TCF4: variants seen among roughly 807,000 people sequenced by gnomAD.
TCF4 encodes the protein SL3-3 enhancer factor 2.
TCF4 carries 3 observed loss-of-function variants against 82.1 expected under a neutral mutation model. The ratio of observed to expected loss-of-function variants is 0.04; its 90% CI spans 0.02 to 0.09. The LOEUF (loss-of-function observed/expected upper bound fraction) is 0.09. TCF4 is among the 10% of genes least tolerant of loss of function. The pLI is 1.00. For missense variants in TCF4, 518 were observed against 852.7 expected (o/e 0.61, Z 4.89); for synonymous variants, 276 against 309.6 (o/e 0.89, Z 1.14).
intron 6 of TCF4, among the ~76,000 whole-genome samples, chr18:55,374,694 G>A (rs527639441): frequency 6.6e-6 from 1 of 151,870 alleles, no homozygotes; most frequent in South Asian, 2.1e-4. Flanking sequence ...AAGTCCAGGA[G>A]TTCAAGACCA....
chr18:55,280,961 C>T (rs1317317082), intron 8 of TCF4, among the ~76,000 whole-genome samples: 2 of 151,622 alleles, frequency 1.3e-5, no homozygotes, highest in Non-Finnish European at 2.9e-5. Context: ...CTACACATGC[C>T]CCAAAGTGCC....
chr18:55,396,524 C>T (rs574987527), intron 6 of TCF4, among the ~76,000 whole-genome samples: 1 of 152,218 alleles, frequency 6.6e-6, no homozygotes, highest in African/African-American at 2.4e-5. Context: ...CCCCTCGAGT[C>T]GGCCAGTCAA....
At chr18:55,535,432 G>A (rs1415529273) in intron 3 of TCF4, among the ~76,000 whole-genome samples, 3 of 152,114 alleles carry the variant, frequency 2.0e-5, no homozygotes. Context: ...GTAATGGGAA[G>A]GAAAATGTGT....
chr18:55,480,994 C>A (rs1428613491), intron 3 of TCF4, among the ~76,000 whole-genome samples: 3 of 150,370 alleles, frequency 2.0e-5, no homozygotes, highest in African/African-American at 4.9e-5. Context: ...ATCCTAGCTA[C>A]TTGGGAGGCT....
chr18:55,451,767 G>A (rs1306062290), intron 5 of TCF4, among the ~76,000 whole-genome samples: 1 of 152,146 alleles, frequency 6.6e-6, no homozygotes, highest in Non-Finnish European at 1.5e-5. Flanking sequence ...CAGAAGTAGG[G>A]TACTGGTTAA....
chr18:55,347,700 CAAAT>C (rs1270146003), intron 8 of TCF4, among the ~76,000 whole-genome samples: 1 of 152,162 alleles, frequency 6.6e-6, no homozygotes, highest in Non-Finnish European at 1.5e-5. Flanking sequence ...AGGCGTGTCA[CAAAT>C]AATACCTGAT....
upstream of TCF4, chr18:55,589,619 T>C: frequency 2.0e-5 from 21 of 1,044,866 alleles, no homozygotes; most frequent in Non-Finnish European, 2.4e-5. Context: ...CAAACAATTC[T>C]TGTTGGTGAT....
chr18:55,301,101 A>C (rs1404091116), intron 8 of TCF4, among the ~76,000 whole-genome samples: 2 of 152,156 alleles, frequency 1.3e-5, no homozygotes, highest in Non-Finnish European at 2.9e-5. Context: ...AGATAGTGGG[A>C]AAGTGGAAAC....
rs369712872 is a variant in TCF4 at position 55,350,858 on chromosome 18, C to T, written c.499+16G>A. 7 of 1,612,828 alleles carry T rather than the reference C, an allele frequency of 4.3e-6. No individual in the cohort carries two copies. The African/African-American group carries it at 9.4e-5, about 22-fold the overall frequency. On this transcript the variant is annotated intron_variant, in intron 7 of 19. Coordinates refer to ENST00000354452, the MANE Select transcript of TCF4 (RefSeq NM_001083962.2). ...CATAATCATCCCTCAGGCATTCAAA[C>T]AAAGGAATACCTTACCCATGGCACT...
intron 3 of TCF4, among the ~76,000 whole-genome samples, chr18:55,504,525 T>C (rs1194643701): frequency 6.6e-6 from 1 of 152,240 alleles, no homozygotes; most frequent in African/African-American, 2.4e-5. Flanking sequence ...AATATGATTA[T>C]ACCATTAACA....
intron 8 of TCF4, chr18:55,284,556 T>C (rs1395500417): frequency 6.6e-6 from 1 of 152,242 alleles, no homozygotes; most frequent in Non-Finnish European, 1.5e-5. Context: ...CACATCACCA[T>C]GTGTGGTTGG....
At chr18:55,494,628 G>A (rs2096613276) in intron 3 of TCF4, among the ~76,000 whole-genome samples, 1 of 152,016 alleles carries the variant, frequency 6.6e-6, no homozygotes, top group African/African-American at 2.4e-5. Context: ...AAGGGTTTAA[G>A]GATGCAAGTC....
At chr18:55,345,230 C>CAA (rs1337180113) in intron 8 of TCF4, among the ~76,000 whole-genome samples, 1 of 150,512 alleles carries the variant, frequency 6.6e-6, no homozygotes, top group Non-Finnish European at 1.5e-5. Context: ...CATATATCAG[C>CAA]AATTCATAAA....
intron 3 of TCF4, among the ~76,000 whole-genome samples, chr18:55,546,172 CA>C (rs1568366015): frequency 6.6e-6 from 1 of 151,644 alleles, no homozygotes; most frequent in African/African-American, 2.4e-5. Context: ...CTCGTCTCCA[CA>C]AAAAAAATTT....
chr18:55,462,031 C>A (rs1447458372), intron 4 of TCF4, among the ~76,000 whole-genome samples: 1 of 152,114 alleles, frequency 6.6e-6, no homozygotes, highest in Non-Finnish European at 1.5e-5. Flanking sequence ...AAGTCTAAGT[C>A]AAATTTACTC....
intron 2 of TCF4, among the ~76,000 whole-genome samples, chr18:55,608,233 T>C (rs1409915821): frequency 6.6e-6 from 1 of 152,204 alleles, no homozygotes; most frequent in Non-Finnish European, 1.5e-5. Flanking sequence ...AGGGGTTAAG[T>C]ACTATGGCTT....
intron 3 of TCF4, among the ~76,000 whole-genome samples, chr18:55,469,968 T>C (rs531902579): frequency 3.3e-4 from 50 of 152,256 alleles, no homozygotes; most frequent in Non-Finnish European, 6.3e-4. Flanking sequence ...AAAATCAAAG[T>C]GAAGGCTGGA....
intron 3 of TCF4, among the ~76,000 whole-genome samples, chr18:55,554,339 T>G (rs2097285826): frequency 6.6e-6 from 1 of 152,058 alleles, no homozygotes; most frequent in African/African-American, 2.4e-5. Context: ...AAATTTAATT[T>G]ATTAATAAAC....
At position 55,633,113 on chromosome 18, in the gene TCF4, TCA is replaced by T. The variant is rs1176621729; in HGVS notation, c.196-1727_196-1726del. Among the ~76,000 whole-genome samples, 1 of 152,258 alleles carries T rather than the reference TCA, an allele frequency of 6.6e-6. No homozygotes were observed. Among genetic ancestry groups the T allele is most frequent in the Non-Finnish European group, 1.5e-5 (1 of 68,046 alleles). On this transcript the variant is annotated intron_variant, in intron 1 of 20. Coordinates refer to the TCF4 transcript ENST00000398339. The surrounding 1 kb of genome is among the most constrained non-coding windows in gnomAD (Gnocchi z 4.0). ...AAACAACATTAAGTATTTATTATCC[TCA>T]CAGTTTCTATGGGTTGGGTATTTGG...
Sources: gnomAD v4.1 joint callset for allele counts (sites outside exome capture counted in the v4.1 genomes callset) on GRCh38, gnomAD v4.1.1 for gene constraint, Gnocchi (gnomAD v3.1) non-coding constraint, MANE v1.5 for transcripts, NCBI Gene and HGNC (gene_info 2026-07-23, HGNC 2026-07-21) for gene names.